The following SPOPL variants were observed in gnomAD, a reference collection of about 807,000 sequenced individuals.
The protein encoded by SPOPL is speckle type BTB/POZ protein like, also known as speckle-type POZ protein-like.
In SPOPL, 23 loss-of-function variants were observed where a neutral mutation model predicts 53.8. The observed-to-expected ratio is 0.43, with a 90% CI of 0.31 to 0.61. SPOPL has a LOEUF of 0.61. Ranked by LOEUF, SPOPL falls within the 20% of genes least tolerant of loss-of-function variation. The probability of loss-of-function intolerance (pLI) is 0.12; values close to 1 mark genes in which losing one functional copy is unlikely to be tolerated. For missense variants in SPOPL, 442 were observed against 466.9 expected, an observed-to-expected ratio of 0.95 and a Z score of 0.49; for synonymous variants, 164 against 149.7, an observed-to-expected ratio of 1.10 and a Z score of -0.70.
Position 138,556,443 on chromosome 2 carries a change from G to A in SPOPL, c.481-2579G>A, listed in dbSNP as rs189382376. ...TTTGTAACTCTGCTGTATGTATCATGCAAGCCATTGAACAGATCCAGTTTT... is the reference window on the plus strand; with the variant it reads ...TTTGTAACTCTGCTGTATGTATCATACAAGCCATTGAACAGATCCAGTTTT... On this transcript the variant is annotated intron_variant, in intron 5 of 10. Coordinates refer to ENST00000280098, the MANE Select transcript of SPOPL (RefSeq NM_001001664.3). 1.2e-4 allele frequency among the ~76,000 whole-genome samples: 19 copies of A among 152,268 alleles called. No homozygotes were observed. In the East Asian group the frequency reaches 3.5e-3, roughly 28 times the overall value.
chr2:138,535,882 A>G (rs538604222), intron 1 of SPOPL, among the ~76,000 whole-genome samples: 1 of 151,920 alleles, frequency 6.6e-6, no homozygotes, highest in African/African-American at 2.4e-5. Flanking sequence ...AAGTTCACTA[A>G]TTCTTCTATT....
In SPOPL at chr2:138,555,515, A is replaced by G. The variant is rs16840693; in HGVS notation, c.480+2834A>G. On this transcript the variant is annotated intron_variant, in intron 5 of 10. Transcript: ENST00000280098. ...AAAATCAAAAAGTCTAAAACTCGCT[A>G]TTCTGGAAGATATTCATGTGAAATT... Among the ~76,000 whole-genome samples, 1,423 of 152,250 alleles carry G rather than the reference A, an allele frequency of 9.3e-3. 26 individuals are homozygous for G. The highest frequency in any genetic ancestry group is 0.033 in the African/African-American group (1,356 of 41,532).
chr2:138,529,557 C>G (rs114329627), intron 1 of SPOPL, among the ~76,000 whole-genome samples: 1,639 of 150,038 alleles, frequency 0.011, 33 homozygotes, highest in African/African-American at 0.038. Context: ...CGCGCTTCTG[C>G]ATTCTCCTTT....
intron 1 of SPOPL, among the ~76,000 whole-genome samples, chr2:138,532,674 C>A (rs1684839360): frequency 6.7e-6 from 1 of 148,798 alleles, no homozygotes; most frequent in Admixed American, 6.7e-5. Context: ...GATCTCCTGA[C>A]CTCGTGATCT....
rs1035307383 is a variant in SPOPL at position 138,537,231 on chromosome 2, G to A, written c.-60-12926G>A. On this transcript the variant is annotated intron_variant, in intron 1 of 10. Transcript: ENST00000280098. Reference sequence around the variant, plus strand: ...AGGACTTTATTCGGCTGGGAGCATCGGCAGACTTACATCTCAAACAACCGA... The same window carrying A: ...AGGACTTTATTCGGCTGGGAGCATCAGCAGACTTACATCTCAAACAACCGA... 2.2e-4 allele frequency among the ~76,000 whole-genome samples: 33 copies of A among 152,076 alleles called. 1 individual carries two copies. Among genetic ancestry groups the A allele is most frequent in the Admixed American group, 1.9e-3 (29 of 15,272 alleles).
At chr2:138,560,434 TTC>T (rs765140227) in intron 7 of SPOPL, among the ~76,000 whole-genome samples, 8 of 150,942 alleles carry the variant, frequency 5.3e-5, no homozygotes, top group Non-Finnish European at 8.8e-5. Flanking sequence ...GCTTATAGTT[TTC>T]TGTTTGTTTA....
chr2:138,534,504 T>C (rs943680591), intron 1 of SPOPL, among the ~76,000 whole-genome samples: 7 of 152,190 alleles, frequency 4.6e-5, no homozygotes, highest in African/African-American at 1.7e-4. Flanking sequence ...CAGTCTCCCA[T>C]GGAAACAAAG....
chr2:138,569,627 T>G lies in SPOPL; in HGVS notation c.*547T>G, dbSNP rs1281415151. On this transcript the variant is annotated 3_prime_UTR_variant, in exon 11 of 11. Transcript: ENST00000280098. ...GGCAATACACTGCTTCAATTCTAAT[T>G]TATTTTTCATTTCAGGGGGCAAATA... 2.0e-5 allele frequency: 3 copies of G among 152,196 alleles called. No individual in the cohort carries two copies. The highest frequency in any genetic ancestry group is 4.4e-5 in the Non-Finnish European group (3 of 68,010). The allele number at this position is 152,196 out of a possible 1,614,324, so 9.4% of individuals were successfully genotyped here. A position where few individuals can be genotyped will look rare whatever the true frequency, so the allele number is the denominator to read the frequency against.
At chr2:138,544,369 G>A (rs1019691187) in intron 1 of SPOPL, among the ~76,000 whole-genome samples, 5 of 152,298 alleles carry the variant, frequency 3.3e-5, no homozygotes, top group Non-Finnish European at 5.9e-5. Flanking sequence ...CTTGAGCTGC[G>A]GTGGGCTCCA....
intron 1 of SPOPL, among the ~76,000 whole-genome samples, chr2:138,512,406 C>G (rs965776375): frequency 6.6e-6 from 1 of 152,002 alleles, no homozygotes; most frequent in African/African-American, 2.4e-5. Flanking sequence ...TCCTGTCAAC[C>G]TCATAAGAAA....
intron 4 of SPOPL, 26 bp from the exon 5 acceptor site, chr2:138,552,528 T>G: frequency 1.3e-6 from 2 of 1,587,000 alleles, no homozygotes; most frequent in Non-Finnish European, 1.7e-6. Context: ...TTTATTTTAT[T>G]TAAACTCTAT....
rs144927501 is a variant in SPOPL, at chr2:138,509,676, C to G, written c.-61+7557C>G. Among the ~76,000 whole-genome samples the G allele has an allele frequency of 6.2e-3, 941 of 152,248 alleles. 33 individuals carry two copies. The highest frequency in any genetic ancestry group is 0.054 in the Admixed American group (833 of 15,302). On this transcript the variant is annotated intron_variant, in intron 1 of 10. Coordinates refer to ENST00000280098, the MANE Select transcript of SPOPL (RefSeq NM_001001664.3). ...ATCTACAAAGATTTTCCATACATCC[C>G]TCGCACCCATACAGACATAGCCTCC...
chr2:138,551,386 TCTTGC>T (rs979965937), intron 4 of SPOPL, among the ~76,000 whole-genome samples: 1 of 151,876 alleles, frequency 6.6e-6, no homozygotes, highest in Non-Finnish European at 1.5e-5. Flanking sequence ...AGCATTTCTC[TCTTGC>T]CTTTTTTTGC....
At chr2:138,525,656 G>GAAAAAAAAAAAAAAAAAAA (rs71406327) in intron 1 of SPOPL, among the ~76,000 whole-genome samples, 1 of 30,008 alleles carries the variant, frequency 3.3e-5, no homozygotes, top group African/African-American at 7.8e-5. Flanking sequence ...ATAAAAAGTA[G>GAAAAAAAAAAAAAAAAAAA]AAAAAAAAAA....
At chr2:138,538,977 C>T (rs1477349158) in intron 1 of SPOPL, among the ~76,000 whole-genome samples, 1 of 152,104 alleles carries the variant, frequency 6.6e-6, no homozygotes, top group Admixed American at 6.6e-5. Flanking sequence ...CAATTTTCCA[C>T]CTATGAGTGA....
intron 2 of SPOPL, 33 bp from the exon 3 acceptor site, chr2:138,550,450 A>G (rs1685289411): frequency 3.1e-6 from 5 of 1,596,894 alleles, no homozygotes; most frequent in Admixed American, 1.7e-5. Flanking sequence ...TATTACCGTC[A>G]TCATTATAAA....
At chr2:138,561,193 T>C (rs1228163147) in intron 8 of SPOPL, among the ~76,000 whole-genome samples, 3 of 152,042 alleles carry the variant, frequency 2.0e-5, no homozygotes, top group Admixed American at 2.0e-4. Context: ...TGGACTTCCA[T>C]TTAAAAGAAC....
At chr2:138,527,564 T>C (rs1043021987) in intron 1 of SPOPL, among the ~76,000 whole-genome samples, 1 of 152,214 alleles carries the variant, frequency 6.6e-6, no homozygotes, top group Non-Finnish European at 1.5e-5. Flanking sequence ...TCAAAGCAGC[T>C]TGTTCTTGTC....
intron 1 of SPOPL, among the ~76,000 whole-genome samples, chr2:138,505,732 A>G (rs752133914): frequency 6.6e-6 from 1 of 151,936 alleles, no homozygotes; most frequent in Non-Finnish European, 1.5e-5. Flanking sequence ...CTGCACTCCA[A>G]CCTGAGCAAC....
Sources: gnomAD v4.1 joint callset for allele counts (sites outside exome capture counted in the v4.1 genomes callset) on GRCh38, gnomAD v4.1.1 for gene constraint, MANE v1.5 for transcripts, NCBI Gene and HGNC (gene_info 2026-07-23, HGNC 2026-07-21) for gene names.